The following ATF7IP variants were observed in gnomAD, a reference collection of about 807,000 sequenced individuals.
ATF7IP encodes the protein activating transcription factor 7-interacting protein 1.
ATF7IP carries 23 observed loss-of-function variants against 106.4 expected under a neutral mutation model. That is an observed-to-expected ratio of 0.22 (90% confidence interval 0.16 to 0.31). The LOEUF (loss-of-function observed/expected upper bound fraction) is 0.31, where lower values mean the gene tolerates loss of function less well. ATF7IP is among the 10% of genes least tolerant of loss of function. The probability of loss-of-function intolerance (pLI) is 1.00; values close to 1 mark genes in which losing one functional copy is unlikely to be tolerated. For missense variants in ATF7IP, 1,334 were observed against 1,524.3 expected, an observed-to-expected ratio of 0.88 and a Z score of 2.08; for synonymous variants, 542 against 539.0, an observed-to-expected ratio of 1.01 and a Z score of -0.08.
rs767507403 is a variant in ATF7IP at position 14,497,718 on chromosome 12, C to T, written c.3458C>T (p.Pro1153Leu). 7 of 1,614,188 alleles carry T rather than the reference C, an allele frequency of 4.3e-6. No individual in the cohort carries two copies. The highest frequency in any genetic ancestry group is 5.9e-6 in the Non-Finnish European group (7 of 1,180,032). ...PEAPQPQRLPPEAASTSLPQK... is the reference protein window; with the variant it reads ...PEAPQPQRLPLEAASTSLPQK... ...GCTCCACAACCACAGCGTCTGCCCC[C>T]AGAAGCTGCCAGCACATCTCTGCCT... Residue 1153 changes from proline (P) to leucine (L), a missense_variant, in exon 15 of 15, where the codon CCA (proline) becomes CTA (leucine). Physicochemically the swap from Pro to Leu is moderately conservative, Grantham distance 98. Around this residue, in one of 10 missense-constraint regions of ATF7IP, gnomAD observed 80 missense variants for 157.0 expected, o/e 0.51. Transcript: ENST00000261168.
At position 14,502,313 on chromosome 12, in the gene ATF7IP, G is replaced by A. The variant is rs796810102; in HGVS notation, c.*4240G>A. ...CAAAAATCAGCAATTCTCATGAAGC[G>A]TTTGTTAGTGTGGCAGACTTGTCTA... is the stretch of plus-strand genomic sequence containing the variant. On this transcript the variant is annotated 3_prime_UTR_variant, in exon 15 of 15. Coordinates refer to ENST00000261168, the MANE Select transcript of ATF7IP (RefSeq NM_018179.5). 3 of 152,154 alleles carry A rather than the reference G, an allele frequency of 2.0e-5. No homozygotes were observed. The highest frequency in any genetic ancestry group is 4.8e-5 in the African/African-American group (2 of 41,500). The allele number at this position is 152,154 out of a possible 1,614,324, so 9.4% of individuals were successfully genotyped here.
intron 6 of ATF7IP, among the ~76,000 whole-genome samples, chr12:14,451,999 C>A (rs549558602): frequency 6.6e-6 from 1 of 152,170 alleles, no homozygotes; most frequent in East Asian, 1.9e-4. Flanking sequence ...TTTCTCCCTT[C>A]CATTCTTTCA....
At chr12:14,382,068 T>C (rs1939026037) in intron 1 of ATF7IP, among the ~76,000 whole-genome samples, 1 of 152,124 alleles carries the variant, frequency 6.6e-6, no homozygotes, top group South Asian at 2.1e-4. Flanking sequence ...GTTGTGGTGG[T>C]GTACACCTGT....
intron 10 of ATF7IP, among the ~76,000 whole-genome samples, chr12:14,474,929 C>CAAA (rs930401485): frequency 1.2e-4 from 18 of 151,916 alleles, no homozygotes; most frequent in Non-Finnish European, 1.5e-5. Context: ...TGTAAATAAC[C>CAAA]CATTTTCTGT....
intron 8 of ATF7IP, among the ~76,000 whole-genome samples, chr12:14,457,937 T>C (rs554540288): frequency 1.3e-3 from 198 of 151,574 alleles, no homozygotes; most frequent in Admixed American, 2.2e-3. Flanking sequence ...TCTACCAAAA[T>C]ACAAAAATTA....
rs542889803 is a variant in ATF7IP at position 14,415,538 on chromosome 12, T to C, written c.-7-8371T>C. Among the ~76,000 whole-genome samples, 9 of 152,304 alleles carry C rather than the reference T, an allele frequency of 5.9e-5. No homozygotes were observed. The East Asian group carries it at 7.7e-4, about 13-fold the overall frequency. ...TCCCAGTTTCCTTTGTGGTTGGTTATTTTTTACAATTTAGTTTGGGGATAT... is the reference window on the plus strand; with the variant it reads ...TCCCAGTTTCCTTTGTGGTTGGTTACTTTTTACAATTTAGTTTGGGGATAT... On this transcript the variant is annotated intron_variant, in intron 1 of 14. Transcript: ENST00000261168.
At chr12:14,375,412 C>T (rs529108108) in intron 1 of ATF7IP, among the ~76,000 whole-genome samples, 2 of 151,820 alleles carry the variant, frequency 1.3e-5, no homozygotes, top group South Asian at 2.1e-4. Flanking sequence ...GAAGAACCTA[C>T]GTATGTAAAT....
rs910815087 is a variant in ATF7IP, at chr12:14,423,990, A to G, written c.75A>G (p.Gln25=). 2 of 1,614,162 alleles carry G rather than the reference A, an allele frequency of 1.2e-6. No individual in the cohort carries two copies. The highest frequency in any genetic ancestry group is 2.7e-5 in the African/African-American group (2 of 75,048). The change falls in exon 2 of 15, where the codon CAA becomes CAG. Residue 25 remains glutamine (Q), a synonymous_variant. Transcript: ENST00000261168. ...RKTMRVSDRQ[Q]LEAVYKVKEE... is the part of the protein sequence containing the mutation. Reference sequence around the variant, plus strand: ...CGATGAGAGTGAGTGATCGTCAGCAACTTGAAGCAGTGTACAAGGTCAAAG... The same window carrying G: ...CGATGAGAGTGAGTGATCGTCAGCAGCTTGAAGCAGTGTACAAGGTCAAAG...
At chr12:14,413,127 C>G (rs1941013107) in intron 1 of ATF7IP, among the ~76,000 whole-genome samples, 1 of 152,178 alleles carries the variant, frequency 6.6e-6, no homozygotes, top group South Asian at 2.1e-4. Context: ...ATCTTTTGTT[C>G]TGATCTTAGG....
Position 14,449,243 on chromosome 12 carries a change from C to T in ATF7IP, c.1995+2190C>T, listed in dbSNP as rs149553188. On this transcript the variant is annotated intron_variant, in intron 6 of 14. Transcript: ENST00000261168. Reference sequence around the variant, plus strand: ...AAATCCAATGTCATGAAACTTTTTCCGTATGTTTTCTTGTAGGAATTTTAT... The same window carrying T: ...AAATCCAATGTCATGAAACTTTTTCTGTATGTTTTCTTGTAGGAATTTTAT... Among the ~76,000 whole-genome samples the T allele has an allele frequency of 3.9e-5, 6 of 152,004 alleles. No individual in the cohort carries two copies. The East Asian group carries it at 5.8e-4, about 15-fold the overall frequency.
Position 14,424,271 on chromosome 12 carries a change from C to G in ATF7IP, c.356C>G (p.Pro119Arg), listed in dbSNP as rs1427209991. The change falls in exon 2 of 15, where the codon CCA becomes CGA. Residue 119 changes from proline (P) to arginine (R), a missense_variant. This residue lies in a region of ATF7IP where 438 missense variants were observed against 405.3 expected (regional missense o/e 1.08). Transcript: ENST00000261168. ...CEPLSPHNIT[P>R]EPVSKLPAEP... ...CCTTTGTCTCCCCATAATATAACTC[C>G]AGAACCAGTCTCTAAACTGCCTGCT... is the stretch of plus-strand genomic sequence containing the variant. The G allele has an allele frequency of 2.5e-6, 4 of 1,614,198 alleles. No individual in the cohort carries two copies. Among genetic ancestry groups the G allele is most frequent in the South Asian group, 1.1e-5 (1 of 91,078 alleles).
At chr12:14,426,789 A>G (rs1207590803) in intron 2 of ATF7IP, among the ~76,000 whole-genome samples, 1 of 136,026 alleles carries the variant, frequency 7.4e-6, no homozygotes, top group African/African-American at 2.8e-5. Flanking sequence ...TCGCGCCACT[A>G]CTCCAGCCTG....
Position 14,424,303 on chromosome 12 carries a change from G to C in ATF7IP, c.388G>C (p.Val130Leu). Reference protein sequence around the residue: ...EPVSKLPAEPVSGDPAPGDLD... With the variant: ...EPVSKLPAEPLSGDPAPGDLD... ...AGTCTCTAAACTGCCTGCTGAACCAGTTTCTGGTGATCCAGCCCCTGGTGA... is the reference window on the plus strand; with the variant it reads ...AGTCTCTAAACTGCCTGCTGAACCACTTTCTGGTGATCCAGCCCCTGGTGA... Residue 130 changes from valine to leucine, a missense_variant, in exon 2 of 15, where the codon GTT becomes CTT. Around this residue, in one of 10 missense-constraint regions of ATF7IP, gnomAD observed 438 missense variants for 405.3 expected, o/e 1.08. Transcript: ENST00000261168. The C allele has an allele frequency of 6.2e-7, 1 of 1,614,218 alleles. No homozygotes were observed. The highest frequency in any genetic ancestry group is 8.5e-7 in the Non-Finnish European group (1 of 1,180,038).
chr12:14,430,230 G>A (rs1942050863), intron 2 of ATF7IP, among the ~76,000 whole-genome samples: 1 of 152,126 alleles, frequency 6.6e-6, no homozygotes, highest in Non-Finnish European at 1.5e-5. Flanking sequence ...TTTGAGGAGG[G>A]AATAAGGTAA....
At chr12:14,394,227 A>T (rs1336896205) in intron 1 of ATF7IP, among the ~76,000 whole-genome samples, 1 of 152,224 alleles carries the variant, frequency 6.6e-6, no homozygotes, top group Non-Finnish European at 1.5e-5. Context: ...TAGAATGAGG[A>T]TAACATTAGG....
intron 1 of ATF7IP, among the ~76,000 whole-genome samples, chr12:14,375,678 CTTT>C (rs1405508304): frequency 6.6e-6 from 1 of 152,124 alleles, no homozygotes; most frequent in African/African-American, 2.4e-5. Flanking sequence ...TCTCAGTGTT[CTTT>C]ATCTTTAAAA....
At chr12:14,420,093 G>A (rs1326866505) in intron 1 of ATF7IP, 1 of 152,162 alleles carries the variant, frequency 6.6e-6, no homozygotes, top group African/African-American at 2.4e-5. Flanking sequence ...TTGCTGCAGG[G>A]AGGAAATAAT....
At chr12:14,459,032 T>C (rs11055982) in intron 8 of ATF7IP, among the ~76,000 whole-genome samples, 2,700 of 152,318 alleles carry the variant, frequency 0.018, 45 homozygotes, top group Middle Eastern at 0.065. Flanking sequence ...GGAGCTGTCA[T>C]GCTTTCAATG....
intron 13 of ATF7IP, among the ~76,000 whole-genome samples, chr12:14,484,893 A>G (rs1944550071): frequency 6.6e-6 from 1 of 152,208 alleles, no homozygotes; most frequent in African/African-American, 2.4e-5. Flanking sequence ...AGTTCATGAT[A>G]GTCATCTCAG....
Sources: gnomAD v4.1 joint callset for allele counts (sites outside exome capture counted in the v4.1 genomes callset) on GRCh38, gnomAD v4.1.1 for gene constraint, gnomAD v4.1.1 regional missense constraint, MANE v1.5 for transcripts, NCBI Gene and HGNC (gene_info 2026-07-23, HGNC 2026-07-21) for gene names.